Variants in STXBP5 observed in about 807,000 individuals in gnomAD.
STXBP5 encodes the protein syntaxin binding protein 5.
Under a neutral mutation model 152.4 loss-of-function variants are expected in STXBP5, and 50 were observed. The observed-to-expected ratio is 0.33, with a 90% CI of 0.26 to 0.42. STXBP5 has a LOEUF of 0.42. Among genes scored for constraint, STXBP5 ranks in the 10% least tolerant of loss-of-function variants. The probability of loss-of-function intolerance (pLI) is 1.00; values close to 1 mark genes in which losing one functional copy is unlikely to be tolerated. For synonymous variants in STXBP5, 492 were observed against 494.7 expected (o/e 0.99, Z 0.07); for missense variants, 1,167 against 1,388.6 (o/e 0.84, Z 2.54).
rs1192165867 is a variant in STXBP5 at position 147,339,238 on chromosome 6, G to A, written c.2206G>A (p.Val736Met). The A allele has an allele frequency of 7.8e-6, 12 of 1,530,792 alleles. No individual in the cohort carries two copies. The highest frequency in any genetic ancestry group is 1.1e-5 in the Non-Finnish European group (12 of 1,138,630). The allele number at this position is 1,530,792 out of a possible 1,614,324, so 94.8% of individuals were successfully genotyped here. Residue 736 changes from valine to methionine, a missense_variant and splice_region_variant, in exon 20 of 28, where the codon GTG (valine) becomes ATG (methionine). Coordinates refer to ENST00000321680, the MANE Select transcript of STXBP5 (RefSeq NM_001127715.4). ...AAAAATGAATAATTTTATAGAAAAG[G>A]GTATAGTATCTTGATTTTAAAGTAT... ...EQKMNNFIEK[V>M]KTKSRKFSKM...
intron 4 of STXBP5, among the ~76,000 whole-genome samples, chr6:147,259,175 A>G (rs1319062738): frequency 6.6e-6 from 1 of 152,192 alleles, no homozygotes. Context: ...TAAACTAGTT[A>G]AATGAATGTT....
chr6:147,273,154 A>G (rs1010983621), intron 7 of STXBP5, among the ~76,000 whole-genome samples: 1 of 151,320 alleles, frequency 6.6e-6, no homozygotes, highest in Non-Finnish European at 1.5e-5. Context: ...GGAGATTGAG[A>G]TCGGCATGGG....
intron 26 of STXBP5, among the ~76,000 whole-genome samples, chr6:147,375,084 C>T (rs1217426739): frequency 6.6e-6 from 1 of 152,120 alleles, no homozygotes; most frequent in Non-Finnish European, 1.5e-5. Context: ...CAAATTATCT[C>T]TACAAATAAT....
intron 4 of STXBP5, among the ~76,000 whole-genome samples, chr6:147,258,534 C>T (rs527852660): frequency 2.6e-5 from 4 of 152,170 alleles, no homozygotes; most frequent in East Asian, 1.9e-4. Context: ...CCCAGGTTCA[C>T]GCCATTCTCG....
At chr6:147,248,004 G>A (rs1211495699) in intron 4 of STXBP5, among the ~76,000 whole-genome samples, 1 of 132,286 alleles carries the variant, frequency 7.6e-6, no homozygotes, top group Non-Finnish European at 1.6e-5. Context: ...GCTGGGTGCG[G>A]TGGGGTGGCT....
intron 2 of STXBP5, among the ~76,000 whole-genome samples, chr6:147,214,265 A>G (rs2115049177): frequency 6.6e-6 from 1 of 152,350 alleles, no homozygotes; most frequent in South Asian, 2.1e-4. Context: ...GAATAAGTAT[A>G]TTGCCATCAT....
intron 7 of STXBP5, among the ~76,000 whole-genome samples, chr6:147,276,407 C>T (rs1780445005): frequency 1.3e-5 from 2 of 151,880 alleles, no homozygotes. Context: ...TTTTGGAATG[C>T]CTAATAATTT....
chr6:147,317,098 C>CA (rs1782682910), intron 16 of STXBP5, among the ~76,000 whole-genome samples: 1 of 152,126 alleles, frequency 6.6e-6, no homozygotes. Context: ...GTTCTGGTAG[C>CA]ACTCAGAGAG....
intron 22 of STXBP5, among the ~76,000 whole-genome samples, chr6:147,358,098 C>T (rs1004117249): frequency 3.3e-5 from 5 of 151,688 alleles, no homozygotes; most frequent in African/African-American, 1.2e-4. Flanking sequence ...GGCAGTTGTA[C>T]ATTTTGGTGA....
chr6:147,349,701 T>G (rs1208177511), intron 21 of STXBP5, among the ~76,000 whole-genome samples: 2 of 152,168 alleles, frequency 1.3e-5, no homozygotes, highest in Non-Finnish European at 2.9e-5. Flanking sequence ...TTTGGAGTTG[T>G]TTCATCTAAT....
At chr6:147,274,039 T>C (rs923843882) in intron 7 of STXBP5, among the ~76,000 whole-genome samples, 8 of 152,236 alleles carry the variant, frequency 5.3e-5, no homozygotes, top group Middle Eastern at 3.4e-3. Flanking sequence ...TTGCACTGTG[T>C]ATATTCATGG....
chr6:147,332,867 T>C (rs550384173), intron 18 of STXBP5, among the ~76,000 whole-genome samples: 1 of 152,324 alleles, frequency 6.6e-6, no homozygotes, highest in South Asian at 2.1e-4. Flanking sequence ...CTATATCATA[T>C]AAGTTTAAGA....
rs554775965 is a variant in STXBP5, at chr6:147,241,032, T to C, written c.431+1762T>C. On this transcript the variant is annotated intron_variant, in intron 4 of 27. Coordinates refer to ENST00000321680, the MANE Select transcript of STXBP5 (RefSeq NM_001127715.4). ...GGTCTGTCTCTCTATTTCTAACTCT[T>C]ACTGTATTATGATACCCAAAACAGG... Among the ~76,000 whole-genome samples the C allele has an allele frequency of 6.6e-5, 10 of 152,346 alleles. No homozygotes were observed. The South Asian group carries it at 2.1e-3, about 32-fold the overall frequency.
intron 21 of STXBP5, among the ~76,000 whole-genome samples, chr6:147,344,232 A>G (rs1217404157): frequency 4.6e-5 from 7 of 152,178 alleles, no homozygotes; most frequent in Admixed American, 3.9e-4. Context: ...TACTTACTGT[A>G]TGTGTACTTA....
chr6:147,270,339 C>T (rs1402858722), intron 7 of STXBP5, among the ~76,000 whole-genome samples: 1 of 144,964 alleles, frequency 6.9e-6, no homozygotes, highest in Admixed American at 7.2e-5. Context: ...ACGGAGCTTG[C>T]AGTGAACTGA....
chr6:147,276,737 G>A (rs1780459919), intron 7 of STXBP5, among the ~76,000 whole-genome samples: 1 of 152,070 alleles, frequency 6.6e-6, no homozygotes, highest in Non-Finnish European at 1.5e-5. Context: ...ATATGTATAT[G>A]TCAGTTTATT....
Position 147,204,658 on chromosome 6 carries a change from G to C in STXBP5, c.126G>C (p.Gln42His), listed in dbSNP as rs1776443381. The change falls in exon 1 of 28, where the codon CAG becomes CAC. Residue 42 changes from glutamine (Q) to histidine (H), a missense_variant. By Grantham distance (24) the Gln-to-His change is conservative (BLOSUM62 0). This residue lies in a region of STXBP5 where 310 missense variants were observed against 346.1 expected (regional missense o/e 0.90). Transcript: ENST00000321680. This position sits in a 1 kb window ranked among gnomAD's most constrained non-coding sequence, Gnocchi z 4.3. ...AGCCGGAGATCCAGGAAACGCTCCA[G>C]TCCGAGCACTTTCAGCTCTGCAAGG... is the stretch of plus-strand genomic sequence containing the variant. ...NREPEIQETLQSEHFQLCKTV... is the reference protein window; with the variant it reads ...NREPEIQETLHSEHFQLCKTV... 1 of 1,608,706 alleles carries C rather than the reference G, an allele frequency of 6.2e-7. No individual in the cohort carries two copies. The highest frequency in any genetic ancestry group is 8.5e-7 in the Non-Finnish European group (1 of 1,177,056).
intron 6 of STXBP5, 51 bp from the exon 7 acceptor site, chr6:147,267,033 T>G (rs1779927800): frequency 7.0e-7 from 1 of 1,434,984 alleles, no homozygotes; most frequent in African/African-American, 1.4e-5. Flanking sequence ...CAAATAAATG[T>G]TTTATAATTG....
At chr6:147,357,052 C>T (rs746396805) in intron 22 of STXBP5, among the ~76,000 whole-genome samples, 5 of 152,118 alleles carry the variant, frequency 3.3e-5, no homozygotes, top group East Asian at 1.9e-4. Flanking sequence ...GATATCAAAA[C>T]GACACAGTCC....
Sources: allele counts gnomAD v4.1 joint callset (sites outside exome capture counted in the v4.1 genomes callset), GRCh38; gene constraint gnomAD v4.1.1; regional missense constraint gnomAD v4.1.1; non-coding constraint Gnocchi (gnomAD v3.1); transcripts MANE v1.5; gene names NCBI Gene and HGNC (gene_info 2026-07-23, HGNC 2026-07-21).